DOCK1: variants seen among roughly 807,000 people sequenced by gnomAD.
The protein encoded by DOCK1 is dedicator of cytokinesis protein 1.
Under a neutral mutation model 262.7 loss-of-function variants are expected in DOCK1, and 138 were observed. That is an observed-to-expected ratio of 0.53 (90% CI 0.46 to 0.61). The LOEUF (loss-of-function observed/expected upper bound fraction) is 0.61. Ranked by LOEUF, DOCK1 falls within the 20% of genes least tolerant of loss-of-function variation. The pLI, the probability that DOCK1 is intolerant of heterozygous loss-of-function variation, is 0.00. For synonymous variants in DOCK1, 866 were observed against 867.4 expected (o/e 1.00, Z 0.03); for missense variants, 1,908 against 2,370.7 (o/e 0.80, Z 4.05).
At chr10:127,336,541 T>C (rs1590537361) in intron 29 of DOCK1, among the ~76,000 whole-genome samples, 1 of 151,844 alleles carries the variant, frequency 6.6e-6, no homozygotes, top group African/African-American at 2.4e-5. Context: ...CATAGTTTTT[T>C]TTTTTTTTTT....
Position 127,176,203 on chromosome 10 carries a change from A to T in DOCK1, c.2847+48439A>T, listed in dbSNP as rs1198204351. ...CGCTTCTCCCCCAGCTGGCCCGAGGACAGCTGTGTGTCCCTCTGCTCATTC... is the reference window on the plus strand; with the variant it reads ...CGCTTCTCCCCCAGCTGGCCCGAGGTCAGCTGTGTGTCCCTCTGCTCATTC... On this transcript the variant is annotated intron_variant, in intron 27 of 51. Coordinates refer to ENST00000623213, the MANE Select transcript of DOCK1 (RefSeq NM_001290223.2). This position sits in a 1 kb window ranked among gnomAD's most constrained non-coding sequence, Gnocchi z 4.4. The T allele has an allele frequency of 5.0e-6, 8 of 1,613,912 alleles. No individual in the cohort carries two copies. Among genetic ancestry groups the T allele is most frequent in the Admixed American group, 1.7e-5 (1 of 59,984 alleles).
intron 27 of DOCK1, among the ~76,000 whole-genome samples, chr10:127,203,314 C>T (rs1412978121): frequency 1.3e-5 from 2 of 152,134 alleles, no homozygotes; most frequent in African/African-American, 4.8e-5. Flanking sequence ...TCATAGTGGA[C>T]AGGATATGTG....
At chr10:126,996,253 A>C (rs1320670234) in intron 6 of DOCK1, among the ~76,000 whole-genome samples, 1 of 151,556 alleles carries the variant, frequency 6.6e-6, no homozygotes, top group Admixed American at 6.6e-5. Context: ...GGTGGCACAC[A>C]CCTGTAACCC....
At chr10:127,237,837 A>G (rs886293022) in intron 27 of DOCK1, among the ~76,000 whole-genome samples, 1 of 152,214 alleles carries the variant, frequency 6.6e-6, no homozygotes, top group Non-Finnish European at 1.5e-5. Flanking sequence ...AATTGTTGTC[A>G]TATAAGTCTT....
At chr10:127,110,180 T>C in intron 24 of DOCK1, 68 bp from the exon 25 acceptor site, 2 of 1,309,724 alleles carry the variant, frequency 1.5e-6, no homozygotes, top group East Asian at 4.9e-5. Context: ...TATATCTCAG[T>C]ATTGTAACAA....
intron 22 of DOCK1, among the ~76,000 whole-genome samples, chr10:127,056,287 C>CTCAA (rs1211839289): frequency 6.6e-6 from 1 of 152,168 alleles, no homozygotes; most frequent in African/African-American, 2.4e-5. Flanking sequence ...TCACTGCAGC[C>CTCAA]TCAAACCCCT....
chr10:127,106,040 C>T (rs1388398356), intron 23 of DOCK1, among the ~76,000 whole-genome samples, 191 bp from the exon 24 acceptor site: 1 of 152,180 alleles, frequency 6.6e-6, no homozygotes, highest in Non-Finnish European at 1.5e-5. Flanking sequence ...GCTGGGATTA[C>T]AGGTGTGAGC....
chr10:127,429,811 G>T (rs537819653), intron 47 of DOCK1, among the ~76,000 whole-genome samples: 1 of 152,112 alleles, frequency 6.6e-6, no homozygotes, highest in Non-Finnish European at 1.5e-5. Flanking sequence ...TGCCCTCACC[G>T]GCCCACAGCG....
intron 23 of DOCK1, among the ~76,000 whole-genome samples, chr10:127,104,122 ATTG>A (rs2048403013): frequency 6.6e-6 from 1 of 152,100 alleles, no homozygotes; most frequent in Non-Finnish European, 1.5e-5. Flanking sequence ...GGAGGGGAAG[ATTG>A]TTTTCTCATT....
rs1391185202 is a variant in DOCK1, at chr10:127,444,175, T to C, written c.5309T>C (p.Ile1770Thr). 1.9e-6 allele frequency: 3 copies of C among 1,597,824 alleles called. No homozygotes were observed. Among genetic ancestry groups the C allele is most frequent in the South Asian group, 2.3e-5 (2 of 87,146 alleles). The change falls in exon 50 of 52, where the codon ATT becomes ACT. Residue 1770 changes from isoleucine (I) to threonine (T), a missense_variant. Coordinates refer to ENST00000623213, the MANE Select transcript of DOCK1 (RefSeq NM_001290223.2). Reference sequence around the variant, plus strand: ...CCGAAGAGCCAGGTGATGAACGTCATTGGAAGCGAAAGGCGCTTCTCGGTG... The same window carrying C: ...CCGAAGAGCCAGGTGATGAACGTCACTGGAAGCGAAAGGCGCTTCTCGGTG... ...QRPKSQVMNV[I>T]GSERRFSVSP...
In DOCK1 at chr10:127,125,468, G is replaced by T. The variant is rs2049891751; in HGVS notation, c.2624-6G>T. 6.2e-7 allele frequency: 1 copy of T among 1,612,352 alleles called. No homozygotes were observed. Among genetic ancestry groups the T allele is most frequent in the Admixed American group, 1.7e-5 (1 of 59,992 alleles). On this transcript the variant is annotated splice_polypyrimidine_tract_variant and splice_region_variant and intron_variant, in intron 25 of 51. Transcript: ENST00000623213. ...ACACTGACTGGCAATGCTGTGTCCT[G>T]TGTAGACTGCAGAGAGATCCTGCTT...
At chr10:126,961,515 TTC>T (rs1334969467) in intron 1 of DOCK1, among the ~76,000 whole-genome samples, 1 of 152,198 alleles carries the variant, frequency 6.6e-6, no homozygotes, top group African/African-American at 2.4e-5. Flanking sequence ...GCAACCCCCT[TTC>T]TTACTTTCGT....
chr10:127,297,271 A>G (rs1474760010), intron 29 of DOCK1, among the ~76,000 whole-genome samples: 1 of 152,180 alleles, frequency 6.6e-6, no homozygotes, highest in East Asian at 1.9e-4. Context: ...GGGCAGTAGG[A>G]TAAGCTAACC....
At chr10:127,000,531 G>A (rs895097714) in intron 10 of DOCK1, 2 of 578,810 alleles carry the variant, frequency 3.5e-6, no homozygotes, top group African/African-American at 3.7e-5. Context: ...CATATATTTG[G>A]TTTTAAAGTG....
intron 2 of DOCK1, among the ~76,000 whole-genome samples, chr10:126,975,784 A>T (rs1393075538): frequency 1.4e-5 from 2 of 146,456 alleles, no homozygotes; most frequent in African/African-American, 2.5e-5. Flanking sequence ...CGCCCAGCCA[A>T]TTTTTTTTTT....
intron 27 of DOCK1, chr10:127,196,256 C>T (rs1470475692): frequency 1.3e-5 from 2 of 149,110 alleles, no homozygotes; most frequent in African/African-American, 4.9e-5. Context: ...CGCTCGCGTC[C>T]CTCCGGCCCC....
At chr10:126,928,287 G>A (rs1031421928) in intron 1 of DOCK1, among the ~76,000 whole-genome samples, 33 of 152,214 alleles carry the variant, frequency 2.2e-4, no homozygotes, top group African/African-American at 7.5e-4. Context: ...GGTTCAGCCT[G>A]ATGAGCTGCT....
Position 126,989,953 on chromosome 10 carries a change from T to G in DOCK1, c.325-502T>G, listed in dbSNP as rs369063409. On this transcript the variant is annotated intron_variant, in intron 5 of 51. Transcript: ENST00000623213. ...AGCAGCCCGCCCAGGGTGGAATGCT[T>G]CTTCTTCCCTATAGCTGAGCTGAGA... 4.1e-4 allele frequency among the ~76,000 whole-genome samples: 62 copies of G among 152,264 alleles called. 2 individuals are homozygous for G. The Middle Eastern group carries it at 0.01, about 25-fold the overall frequency.
intron 29 of DOCK1, among the ~76,000 whole-genome samples, chr10:127,295,079 G>C (rs2061462599): frequency 6.6e-6 from 1 of 152,146 alleles, no homozygotes; most frequent in Non-Finnish European, 1.5e-5. Flanking sequence ...GGGCAACAAA[G>C]TGAAACCCCT....
Sources: gnomAD v4.1 joint callset for allele counts (sites outside exome capture counted in the v4.1 genomes callset) on GRCh38, gnomAD v4.1.1 for gene constraint, Gnocchi (gnomAD v3.1) non-coding constraint, MANE v1.5 for transcripts, NCBI Gene and HGNC (gene_info 2026-07-23, HGNC 2026-07-21) for gene names.